CDCA2: variants seen among roughly 807,000 people sequenced by gnomAD.
The protein encoded by CDCA2 is cell division cycle associated 2.
A neutral mutation model predicts 67.0 loss-of-function variants in CDCA2; 44 were observed. The ratio of observed to expected loss-of-function variants is 0.66; its 90% CI spans 0.52 to 0.84. The LOEUF (loss-of-function observed/expected upper bound fraction) is 0.84. CDCA2 is among the 40% of genes least tolerant of loss of function. CDCA2 has a pLI of 0.00. For missense variants in CDCA2, 1,253 were observed against 1,203.2 expected (o/e 1.04, Z -0.61); for synonymous variants, 447 against 418.7 (o/e 1.07, Z -0.82).
chr8:25,482,554 C>T (rs1036343696), intron 8 of CDCA2, among the ~76,000 whole-genome samples: 1 of 152,116 alleles, frequency 6.6e-6, no homozygotes. Context: ...TTAACAATAC[C>T]ATGTAACAAT....
At chr8:25,503,886 G>T (rs1586536711) in intron 14 of CDCA2, among the ~76,000 whole-genome samples, 1 of 152,130 alleles carries the variant, frequency 6.6e-6, no homozygotes, top group Admixed American at 6.5e-5. Flanking sequence ...ATTTGGTGGT[G>T]TAGTCCATCG....
At chr8:25,495,355 A>G (rs1160703460) in intron 13 of CDCA2, among the ~76,000 whole-genome samples, 1 of 152,180 alleles carries the variant, frequency 6.6e-6, no homozygotes, top group Non-Finnish European at 1.5e-5. Flanking sequence ...TACTATGTCA[A>G]GTTGGTGGCT....
chr8:25,485,869 G>A, intron 11 of CDCA2, 32 bp downstream of exon 11: 5 of 1,312,788 alleles, frequency 3.8e-6, no homozygotes, highest in Non-Finnish European at 5.4e-6. Context: ...AATCATAAAT[G>A]TCATTTTTTA....
At chr8:25,500,322 G>C (rs1216287288) in intron 13 of CDCA2, among the ~76,000 whole-genome samples, 1 of 148,880 alleles carries the variant, frequency 6.7e-6, no homozygotes, top group South Asian at 2.1e-4. Flanking sequence ...ATTGCCCACA[G>C]TGTATTAACT....
rs1803878895 is a variant in CDCA2 at position 25,488,682 on chromosome 8, A to G, written c.1664A>G (p.Lys555Arg). The G allele has an allele frequency of 6.2e-7, 1 of 1,604,854 alleles. No homozygotes were observed. Among genetic ancestry groups the G allele is most frequent in the Non-Finnish European group, 8.5e-7 (1 of 1,177,008 alleles). ...TGTACAAAGAGAGCACTTCCTAAGA[A>G]GAGTCAGGTAAGCATGTGTTTAAAG... ...TKCTKRALPK[K>R]SQVLKSCRKK... The change falls in exon 13 of 15, where the codon AAG becomes AGG. Residue 555 changes from lysine to arginine, a missense_variant. Physicochemically the swap from Lys to Arg is conservative, Grantham distance 26. Transcript: ENST00000330560.
At chr8:25,494,632 A>G (rs1217390180) in intron 13 of CDCA2, among the ~76,000 whole-genome samples, 2 of 152,228 alleles carry the variant, frequency 1.3e-5, no homozygotes, top group Admixed American at 1.3e-4. Context: ...TTAAAATGAA[A>G]AAAGCATGTT....
intron 7 of CDCA2, among the ~76,000 whole-genome samples, chr8:25,471,513 C>A (rs1002325404): frequency 1.3e-5 from 2 of 152,088 alleles, no homozygotes; most frequent in African/African-American, 4.8e-5. Context: ...AGGTGCCTGC[C>A]ACCAAGCCCA....
intron 4 of CDCA2, among the ~76,000 whole-genome samples, 193 bp downstream of exon 4, chr8:25,462,401 C>T (rs1052455803): frequency 3.3e-5 from 5 of 152,070 alleles, no homozygotes; most frequent in African/African-American, 9.7e-5. Flanking sequence ...CTGAGGCAGG[C>T]AGATCATTTG....
chr8:25,497,722 C>T (rs182382328), intron 13 of CDCA2, among the ~76,000 whole-genome samples: 5 of 152,168 alleles, frequency 3.3e-5, no homozygotes, highest in African/African-American at 9.6e-5. Flanking sequence ...GTGTTCTTGC[C>T]ATAAAATAAT....
At chr8:25,474,473 T>C (rs890958697) in intron 7 of CDCA2, among the ~76,000 whole-genome samples, 17 of 152,192 alleles carry the variant, frequency 1.1e-4, no homozygotes, top group Admixed American at 9.8e-4. Flanking sequence ...TATTGGTCTT[T>C]TGAGATTTTC....
intron 5 of CDCA2, among the ~76,000 whole-genome samples, chr8:25,467,041 CA>C (rs59618544): frequency 5.7e-4 from 28 of 49,174 alleles, no homozygotes; most frequent in Admixed American, 2.4e-3. Flanking sequence ...GAGTCCCTTT[CA>C]AAAAAAAAAA....
chr8:25,458,965 A>G (rs963487315), upstream of CDCA2: 3 of 152,264 alleles, frequency 2.0e-5, no homozygotes, highest in African/African-American at 2.4e-5. Flanking sequence ...GCGCTAAGAG[A>G]AGCGTTACTC....
rs71511103 is a variant in CDCA2, at chr8:25,478,888, GTATA to G, written c.821-1003_821-1000del. On this transcript the variant is annotated intron_variant, in intron 7 of 14. Coordinates refer to ENST00000330560, the MANE Select transcript of CDCA2 (RefSeq NM_152562.4). ...TATATTAACTACTTGTTGTGTGTGTGTATATATATATATATATATATATATTAAC... is the reference window on the plus strand; with the variant it reads ...TATATTAACTACTTGTTGTGTGTGTGTATATATATATATATATATATTAAC... Among the ~76,000 whole-genome samples the G allele has an allele frequency of 6.3e-4, 70 of 111,602 alleles. 1 individual carries two copies. The highest frequency in any genetic ancestry group is 3.6e-3 in the South Asian group (13 of 3,574). The allele number at this position is 111,602 out of a possible 152,430, so 73.2% of individuals were successfully genotyped here. A position where few individuals can be genotyped will look rare whatever the true frequency, so the allele number is the denominator to read the frequency against.
In CDCA2 at chr8:25,460,267, C is replaced by T. The variant is rs780306704; in HGVS notation, c.28C>T (p.Pro10Ser). The T allele has an allele frequency of 4.3e-6, 7 of 1,614,038 alleles. No individual in the cohort carries two copies. In the African/African-American group the frequency reaches 6.7e-5, roughly 15 times the overall value. ...GGATGCCAATTCAAAAGACAAGCCCCCTGAAACCAAGGAGTCTGCAATGAA... is the reference window on the plus strand; with the variant it reads ...GGATGCCAATTCAAAAGACAAGCCCTCTGAAACCAAGGAGTCTGCAATGAA... MDANSKDKP[P>S]ETKESAMNNA... The change falls in exon 2 of 15, where the codon CCT becomes TCT. Residue 10 changes from proline to serine, a missense_variant. Pro to Ser is a moderately conservative substitution (Grantham distance 74, BLOSUM62 -1). Transcript: ENST00000330560.
intron 13 of CDCA2, among the ~76,000 whole-genome samples, chr8:25,488,917 A>G (rs988252965): frequency 6.6e-6 from 1 of 152,144 alleles, no homozygotes; most frequent in Non-Finnish European, 1.5e-5. Flanking sequence ...TACTTCCTGC[A>G]CAGTAAATTA....
chr8:25,481,066 A>G (rs545486869), intron 8 of CDCA2, among the ~76,000 whole-genome samples: 13 of 152,234 alleles, frequency 8.5e-5, no homozygotes, highest in African/African-American at 2.9e-4. Flanking sequence ...ATTACCTTCT[A>G]TTTACATGGA....
chr8:25,487,905 G>T (rs1029333218), intron 12 of CDCA2, among the ~76,000 whole-genome samples: 2 of 152,140 alleles, frequency 1.3e-5, no homozygotes, highest in Non-Finnish European at 1.5e-5. Context: ...ATGATTTTAT[G>T]AATTTCGTTG....
Position 25,485,798 on chromosome 8 carries a change from A to G in CDCA2, c.1405A>G (p.Ser469Gly). Residue 469 changes from serine (S) to glycine (G), a missense_variant, in exon 11 of 15, where the codon AGT (serine) becomes GGT (glycine). Transcript: ENST00000330560. ...ACTTCAAGTATCATTTGCCGTTCTC[A>G]GTTCTCCTAATAAATCATCAATCTC... ...EPLQVSFAVLSSPNKSSISET... is the reference protein window; with the variant it reads ...EPLQVSFAVLGSPNKSSISET... 1 of 1,607,830 alleles carries G rather than the reference A, an allele frequency of 6.2e-7. No individual in the cohort carries two copies. The highest frequency in any genetic ancestry group is 8.5e-7 in the Non-Finnish European group (1 of 1,176,702).
intron 6 of CDCA2, 32 bp from the exon 7 acceptor site, chr8:25,469,864 A>G: frequency 3.5e-6 from 5 of 1,418,868 alleles, no homozygotes; most frequent in Non-Finnish European, 4.0e-6. Context: ...TCTAATTAAT[A>G]AAATGTAATA....
Sources: allele counts gnomAD v4.1 joint callset (sites outside exome capture counted in the v4.1 genomes callset), GRCh38; gene constraint gnomAD v4.1.1; transcripts MANE v1.5; gene names NCBI Gene and HGNC (gene_info 2026-07-23, HGNC 2026-07-21).